Variants in KCTD8 observed in about 807,000 individuals in gnomAD.
The protein encoded by KCTD8 is potassium channel tetramerization domain containing 8.
In KCTD8, 27 loss-of-function variants were observed where a neutral mutation model predicts 31.5. That is an observed-to-expected ratio of 0.86 (90% CI 0.63 to 1.18). The LOEUF is 1.18. Ranked by LOEUF, KCTD8 falls within the 50% of genes most tolerant of loss-of-function variation. The pLI is 0.00. For missense variants in KCTD8, 658 were observed against 647.7 expected, an observed-to-expected ratio of 1.02 and a Z score of -0.17; for synonymous variants, 290 against 280.0, an observed-to-expected ratio of 1.04 and a Z score of -0.36.
rs114412304 is a variant in KCTD8 at position 44,205,282 on chromosome 4, G to A, written c.962-30032C>T. Among the ~76,000 whole-genome samples the A allele has an allele frequency of 9.7e-3, 1,483 of 152,228 alleles. 33 individuals are homozygous for A. Among genetic ancestry groups the A allele is most frequent in the African/African-American group, 0.034 (1,428 of 41,552 alleles). On this transcript the variant is annotated intron_variant, in intron 1 of 1. Coordinates refer to ENST00000360029, the MANE Select transcript of KCTD8 (RefSeq NM_198353.3). ...CAAAGCATATATAAAACTTTATCTT[G>A]ACTGTAACAATCTGGAAAGTTACAT...
intron 1 of KCTD8, among the ~76,000 whole-genome samples, chr4:44,438,535 G>T (rs1721736067): frequency 6.6e-6 from 1 of 152,196 alleles, no homozygotes; most frequent in East Asian, 1.9e-4. Flanking sequence ...GACCAGCACT[G>T]GACCTGGAAG....
At chr4:44,256,060 A>T (rs1844632) in intron 1 of KCTD8, among the ~76,000 whole-genome samples, 1 of 151,536 alleles carries the variant, frequency 6.6e-6, no homozygotes, top group Non-Finnish European at 1.5e-5. Flanking sequence ...CGCTTGTTAC[A>T]TGGTGGCAGG....
intron 1 of KCTD8, among the ~76,000 whole-genome samples, chr4:44,353,299 C>A (rs987141039): frequency 1.3e-5 from 2 of 151,800 alleles, no homozygotes; most frequent in Non-Finnish European, 2.9e-5. Context: ...ATTTATCCTG[C>A]TGTTTTTATT....
chr4:44,210,340 T>C, intron 1 of KCTD8, among the ~76,000 whole-genome samples: 1 of 152,228 alleles, frequency 6.6e-6, no homozygotes, highest in Non-Finnish European at 1.5e-5. Flanking sequence ...CATTTTATCT[T>C]ATACATGTAT....
rs530668703 is a variant in KCTD8, at chr4:44,358,624, A to G, written c.961+88939T>C. ...CTCTCTGTCACCCAGGCTGGAGTGT[A>G]GTGGCACGATCTCGGCTCACCGAAA... is the stretch of plus-strand genomic sequence containing the variant. On this transcript the variant is annotated intron_variant, in intron 1 of 1. Transcript: ENST00000360029. Among the ~76,000 whole-genome samples the G allele has an allele frequency of 5.3e-5, 8 of 150,378 alleles. No individual in the cohort carries two copies. In the East Asian group the frequency reaches 1.6e-3, roughly 30 times the overall value.
At chr4:44,266,107 T>C (rs1366036235) in intron 1 of KCTD8, among the ~76,000 whole-genome samples, 2 of 151,144 alleles carry the variant, frequency 1.3e-5, no homozygotes, top group South Asian at 2.1e-4. Flanking sequence ...TCACCAAAGT[T>C]GAAATGAAGG....
intron 1 of KCTD8, among the ~76,000 whole-genome samples, chr4:44,425,256 T>C (rs905977224): frequency 6.6e-6 from 1 of 152,046 alleles, no homozygotes; most frequent in Non-Finnish European, 1.5e-5. Context: ...AGAACCCATT[T>C]ACCATAGATT....
chr4:44,256,138 G>A (rs1465036839), intron 1 of KCTD8, among the ~76,000 whole-genome samples: 1 of 151,798 alleles, frequency 6.6e-6, no homozygotes, highest in Non-Finnish European at 1.5e-5. Context: ...GAACAGCAGG[G>A]GAAAGACCCA....
At position 44,429,350 on chromosome 4, in the gene KCTD8, A is replaced by G. The variant is rs1721418055; in HGVS notation, c.961+18213T>C. Among the ~76,000 whole-genome samples, 5 of 151,946 alleles carry G rather than the reference A, an allele frequency of 3.3e-5. No homozygotes were observed. In the South Asian group the frequency reaches 1.0e-3, roughly 31 times the overall value. ...GCAACAACCCTGCACAGAAGCAAAA[A>G]GGAGGTGTGTTTCAAGTCACAGTAG... On this transcript the variant is annotated intron_variant, in intron 1 of 1. Transcript: ENST00000360029.
At chr4:44,418,375 G>A (rs576063407) in intron 1 of KCTD8, among the ~76,000 whole-genome samples, 2 of 152,224 alleles carry the variant, frequency 1.3e-5, no homozygotes, top group East Asian at 3.9e-4. Flanking sequence ...AGGAATAATT[G>A]AAATTTTCTC....
At chr4:44,358,392 A>G (rs1239749077) in intron 1 of KCTD8, among the ~76,000 whole-genome samples, 1 of 152,074 alleles carries the variant, frequency 6.6e-6, no homozygotes, top group East Asian at 1.9e-4. Flanking sequence ...AATGATTTAT[A>G]ATCCTTTGGG....
intron 1 of KCTD8, among the ~76,000 whole-genome samples, chr4:44,236,111 G>A (rs1254071472): frequency 6.6e-6 from 1 of 152,120 alleles, no homozygotes; most frequent in Non-Finnish European, 1.5e-5. Flanking sequence ...TTGCCCAGCA[G>A]GGGCACCGGT....
intron 1 of KCTD8, among the ~76,000 whole-genome samples, chr4:44,341,910 T>C (rs531843646): frequency 1.3e-5 from 2 of 152,354 alleles, no homozygotes; most frequent in South Asian, 2.1e-4. Flanking sequence ...GGAGTCACTA[T>C]AGATAGCAGC....
At chr4:44,447,214 T>G (rs1013450137) in intron 1 of KCTD8, among the ~76,000 whole-genome samples, 5 of 152,332 alleles carry the variant, frequency 3.3e-5, no homozygotes, top group Middle Eastern at 3.4e-3. Context: ...CTATGCACCC[T>G]GCCCTGTGCC....
chr4:44,447,041 C>T (rs1325535941), intron 1 of KCTD8, among the ~76,000 whole-genome samples: 1 of 152,210 alleles, frequency 6.6e-6, no homozygotes, highest in Non-Finnish European at 1.5e-5. Context: ...AGAAAACCAC[C>T]CGTAACTGGA....
intron 1 of KCTD8, among the ~76,000 whole-genome samples, chr4:44,297,693 A>G (rs996208082): frequency 6.6e-6 from 1 of 152,142 alleles, no homozygotes; most frequent in Non-Finnish European, 1.5e-5. Flanking sequence ...AAAATCCCAA[A>G]TAGAGATATG....
Position 44,261,865 on chromosome 4 carries a change from T to C in KCTD8, c.962-86615A>G, listed in dbSNP as rs1028161781. 8.1e-4 allele frequency among the ~76,000 whole-genome samples: 123 copies of C among 152,074 alleles called. 2 individuals carry two copies. The highest frequency in any genetic ancestry group is 2.9e-4 in the Non-Finnish European group (20 of 67,946). ...TTTGAATGTGGTGACCATTTCACAATGCATATGCATATCAAATAATCACAT... is the reference window on the plus strand; with the variant it reads ...TTTGAATGTGGTGACCATTTCACAACGCATATGCATATCAAATAATCACAT... On this transcript the variant is annotated intron_variant, in intron 1 of 1. Coordinates refer to ENST00000360029, the MANE Select transcript of KCTD8 (RefSeq NM_198353.3).
intron 1 of KCTD8, among the ~76,000 whole-genome samples, chr4:44,215,168 C>G (rs181565101): frequency 6.6e-6 from 1 of 152,072 alleles, no homozygotes; most frequent in African/African-American, 2.4e-5. Context: ...CTGATTTGAG[C>G]AATAATAAAA....
chr4:44,224,600 G>T (rs916326033), intron 1 of KCTD8, among the ~76,000 whole-genome samples: 4 of 151,928 alleles, frequency 2.6e-5, no homozygotes, highest in Non-Finnish European at 4.4e-5. Context: ...TTTATCACAG[G>T]GCCCTTCATT....
Sources: allele counts gnomAD v4.1 joint callset (sites outside exome capture counted in the v4.1 genomes callset), GRCh38; gene constraint gnomAD v4.1.1; transcripts MANE v1.5; gene names NCBI Gene and HGNC (gene_info 2026-07-23, HGNC 2026-07-21).